Variants in EPCAM observed in about 807,000 individuals in gnomAD.
EPCAM encodes the protein adenocarcinoma-associated antigen.
EPCAM carries 39 observed loss-of-function variants against 40.0 expected under a neutral mutation model. The ratio of observed to expected loss-of-function variants is 0.98; its 90% CI spans 0.76 to 1.27. EPCAM has a LOEUF of 1.27. Ranked by LOEUF, EPCAM falls within the 50% of genes most tolerant of loss-of-function variation. EPCAM has a pLI of 0.00. For synonymous variants in EPCAM, 168 were observed against 132.3 expected, an observed-to-expected ratio of 1.27 and a Z score of -1.85; for missense variants, 503 against 381.2, an observed-to-expected ratio of 1.32 and a Z score of -2.66.
At position 47,379,783 on chromosome 2, in the gene EPCAM, C is replaced by A. The variant is rs776888900; in HGVS notation, c.672C>A (p.Ser224=). The part of the protein sequence containing the change: ...YYFEKDVKGE[S]LFHSKKMDLT... ...TTTCAATACAGGTTAAAGGTGAATCCTTGTTTCATTCTAAGAAAATGGACC... is the reference window on the plus strand; with the variant it reads ...TTTCAATACAGGTTAAAGGTGAATCATTGTTTCATTCTAAGAAAATGGACC... Residue 224 remains serine (S), a synonymous_variant, in exon 7 of 9, where the codon TCC becomes TCA. Coordinates refer to ENST00000263735, the MANE Select transcript of EPCAM (RefSeq NM_002354.3). 5.6e-6 allele frequency: 9 copies of A among 1,613,082 alleles called. No individual in the cohort carries two copies. Among genetic ancestry groups the A allele is most frequent in the Middle Eastern group, 1.8e-4 (1 of 5,624 alleles).
chr2:47,369,689 C>G (rs925890818), intron 1 of EPCAM, 108 bp downstream of exon 1: 2 of 1,171,508 alleles, frequency 1.7e-6, no homozygotes, highest in Non-Finnish European at 2.5e-6. Context: ...ACCAAGAGGC[C>G]GCGCTTTCCA....
At chr2:47,374,662 G>A (rs1165707736) in intron 3 of EPCAM, among the ~76,000 whole-genome samples, 1 of 150,850 alleles carries the variant, frequency 6.6e-6, no homozygotes, top group Admixed American at 6.6e-5. Context: ...TTTTTTTCGA[G>A]ATGGAATTTC....
intron 5 of EPCAM, chr2:47,377,701 T>C (rs1002344655): frequency 5.0e-6 from 2 of 401,982 alleles, no homozygotes; most frequent in South Asian, 3.7e-5. Context: ...AAAGTAAATA[T>C]GCACCAAAAT....
chr2:47,376,596 T>C (rs1466557944), intron 4 of EPCAM, among the ~76,000 whole-genome samples: 2 of 152,152 alleles, frequency 1.3e-5, no homozygotes, highest in African/African-American at 2.4e-5. Flanking sequence ...AGGTTATGCA[T>C]TTTTGACAGG....
rs2103737953 is a variant in EPCAM, at chr2:47,369,517, G to A, written c.12G>A (p.Pro4=). ...GGCGCGCGCGCAGCATGGCGCCCCC[G>A]CAGGTCCTCGCGTTCGGGCTTCTGC... MAP[P]QVLAFGLLLA... The change falls in exon 1 of 9, where the codon CCG becomes CCA. Residue 4 remains proline, a synonymous_variant. Transcript: ENST00000263735. 3 of 1,563,826 alleles carry A rather than the reference G, an allele frequency of 1.9e-6. No homozygotes were observed. Among genetic ancestry groups the A allele is most frequent in the South Asian group, 1.2e-5 (1 of 84,776 alleles).
At position 47,378,971 on chromosome 2, in the gene EPCAM, A is replaced by T. The variant is rs587780769; in HGVS notation, c.574A>T (p.Thr192Ser). 2.1e-5 allele frequency: 33 copies of T among 1,545,022 alleles called. No homozygotes were observed. The highest frequency in any genetic ancestry group is 8.3e-5 in the Admixed American group (5 of 59,892). Reference protein sequence around the residue: ...TSILYENNVITIDLVQNSSQK... With the variant: ...TSILYENNVISIDLVQNSSQK... ...TCCCCAGTATGAGAATAATGTTATCACTATTGATCTGGTTCAAAATTCTTC... is the reference window on the plus strand; with the variant it reads ...TCCCCAGTATGAGAATAATGTTATCTCTATTGATCTGGTTCAAAATTCTTC... Residue 192 changes from threonine (T) to serine (S), a missense_variant, in exon 6 of 9, where the codon ACT becomes TCT. Thr to Ser is a moderately conservative substitution (Grantham distance 58). Transcript: ENST00000263735.
chr2:47,384,240 A>G (rs1351222214), intron 7 of EPCAM, among the ~76,000 whole-genome samples: 1 of 150,950 alleles, frequency 6.6e-6, no homozygotes, highest in African/African-American at 2.4e-5. Flanking sequence ...AGTAGATGGG[A>G]TTACAGGCGC....
At chr2:47,377,949 A>T (rs1349737511) in intron 5 of EPCAM, among the ~76,000 whole-genome samples, 1 of 152,014 alleles carries the variant, frequency 6.6e-6, no homozygotes, top group East Asian at 2.0e-4. Flanking sequence ...AAACAAAATG[A>T]TGGCCGGGCA....
intron 7 of EPCAM, 89 bp from the exon 8 acceptor site, chr2:47,385,077 A>T (rs1469262292): frequency 1.0e-6 from 1 of 996,696 alleles, no homozygotes; most frequent in Non-Finnish European, 1.6e-6. Context: ...TCAGATCAAA[A>T]TTATGTCCAT....
At chr2:47,382,612 G>A (rs993363942) in intron 7 of EPCAM, among the ~76,000 whole-genome samples, 16 of 152,178 alleles carry the variant, frequency 1.1e-4, no homozygotes, top group African/African-American at 3.9e-4. Flanking sequence ...CTTGAACCCA[G>A]GAGGCAGAGG....
At chr2:47,380,112 T>C in intron 7 of EPCAM, 143 bp downstream of exon 7, 1 of 1,378,052 alleles carries the variant, frequency 7.3e-7, no homozygotes, top group Non-Finnish European at 1.0e-6. Flanking sequence ...GCCCAGGAGT[T>C]TGAGACCACA....
chr2:47,383,634 T>C (rs1241223919), intron 7 of EPCAM, among the ~76,000 whole-genome samples: 3 of 92,476 alleles, frequency 3.2e-5, no homozygotes, highest in African/African-American at 8.8e-5. Flanking sequence ...TTTTTTTTTT[T>C]TTTTTTTTTT....
At chr2:47,376,741 C>T (rs1367958200) in intron 4 of EPCAM, among the ~76,000 whole-genome samples, 2 of 152,128 alleles carry the variant, frequency 1.3e-5, no homozygotes, top group African/African-American at 4.8e-5. Context: ...GTGAAGTTAC[C>T]ATTCTCCCTT....
intron 3 of EPCAM, among the ~76,000 whole-genome samples, chr2:47,374,706 C>T (rs1671376635): frequency 6.6e-6 from 1 of 151,866 alleles, no homozygotes; most frequent in South Asian, 2.1e-4. Flanking sequence ...TGCAGTGGCA[C>T]AATCTCAGCT....
rs1173405944 is a variant in EPCAM at position 47,383,617 on chromosome 2, T to C, written c.859-1549T>C. On this transcript the variant is annotated intron_variant, in intron 7 of 8. Coordinates refer to ENST00000263735, the MANE Select transcript of EPCAM (RefSeq NM_002354.3). ...TGTGCCCGGCTTCTTCTTTTTTTTT[T>C]TTTTTTTTTTTTTTTTTTTTTTTTT... is the stretch of plus-strand genomic sequence containing the variant. Among the ~76,000 whole-genome samples the C allele has an allele frequency of 6.5e-3, 325 of 49,720 alleles. 12 individuals carry two copies. The highest frequency in any genetic ancestry group is 0.03 in the African/African-American group (262 of 8,756). The allele number at this position is 49,720 out of a possible 152,430, so 32.6% of individuals were successfully genotyped here.
In EPCAM at chr2:47,382,776, A is replaced by G. The variant is rs149253483; in HGVS notation, c.859-2390A>G. Among the ~76,000 whole-genome samples, 548 of 152,312 alleles carry G rather than the reference A, an allele frequency of 3.6e-3. 3 individuals are homozygous for G. The highest frequency in any genetic ancestry group is 0.012 in the African/African-American group (507 of 41,574). ...AGAGTAAATTATGTTTATTGTATCTACGATAGGGAATAATGTGAATGGTGA... is the reference window on the plus strand; with the variant it reads ...AGAGTAAATTATGTTTATTGTATCTGCGATAGGGAATAATGTGAATGGTGA... On this transcript the variant is annotated intron_variant, in intron 7 of 8. Coordinates refer to ENST00000263735, the MANE Select transcript of EPCAM (RefSeq NM_002354.3).
chr2:47,385,021 A>C lies in EPCAM; in HGVS notation c.859-145A>C. 3 of 692,068 alleles carry C rather than the reference A, an allele frequency of 4.3e-6. No homozygotes were observed. In the East Asian group the frequency reaches 8.1e-5, roughly 19 times the overall value. 42.9% of individuals were successfully genotyped at this position (692,068 alleles called of 1,614,324 possible). On this transcript the variant is annotated intron_variant, in intron 7 of 8. Coordinates refer to ENST00000263735, the MANE Select transcript of EPCAM (RefSeq NM_002354.3). The stretch of plus-strand genomic sequence containing the variant: ...TCCACTGGTGTGAAATTTTTAATTT[A>C]AGAAGCAATAAATGTTTATGGATAG...
At position 47,377,037 on chromosome 2, in the gene EPCAM, C is replaced by T. The variant is rs74531854; in HGVS notation, c.515C>T (p.Thr172Met). The change falls in exon 5 of 9, where the codon ACG becomes ATG. Residue 172 changes from threonine to methionine, a missense_variant. Transcript: ENST00000263735. ...AGTGCACTTCAGAAGGAGATCACAA[C>T]GCGTTATCAACTGGATCCAAAATTT... ...LRTALQKEIT[T>M]RYQLDPKFIT... 2.1e-3 allele frequency: 3,371 copies of T among 1,610,568 alleles called. 111 individuals are homozygous for T. The East Asian group carries it at 0.064, about 30-fold the overall frequency.
rs1217962638 is a variant in EPCAM at position 47,378,993 on chromosome 2, C to G, written c.596C>G (p.Ser199Cys). Residue 199 changes from serine (S) to cysteine (C), a missense_variant, in exon 6 of 9, where the codon TCT becomes TGT. Coordinates refer to ENST00000263735, the MANE Select transcript of EPCAM (RefSeq NM_002354.3). ...NVITIDLVQN[S>C]SQKTQNDVDI... ...ATCACTATTGATCTGGTTCAAAATT[C>G]TTCTCAAAAAACTCAGAATGATGTG... is the stretch of plus-strand genomic sequence containing the variant. 2 of 1,602,638 alleles carry G rather than the reference C, an allele frequency of 1.2e-6. No individual in the cohort carries two copies. Among genetic ancestry groups the G allele is most frequent in the Non-Finnish European group, 1.7e-6 (2 of 1,169,798 alleles).
Sources: allele counts gnomAD v4.1 joint callset (sites outside exome capture counted in the v4.1 genomes callset), GRCh38; gene constraint gnomAD v4.1.1; transcripts MANE v1.5; gene names NCBI Gene and HGNC (gene_info 2026-07-23, HGNC 2026-07-21).